Variants in SGPP2 observed in about 807,000 individuals in gnomAD.
SGPP2 encodes sphingosine-1-phosphate phosphatase 2, also known as sphingosine 1-phosphate phosphohydrolase 2.
SGPP2 carries 30 observed loss-of-function variants against 33.9 expected under a neutral mutation model. That is an observed-to-expected ratio of 0.89 (90% confidence interval 0.66 to 1.20). The LOEUF (loss-of-function observed/expected upper bound fraction) is 1.20, where lower values mean the gene tolerates loss of function less well. Ranked by LOEUF, SGPP2 falls within the 50% of genes most tolerant of loss-of-function variation. The pLI is 0.00. For synonymous variants in SGPP2, 233 were observed against 225.0 expected (o/e 1.04, Z -0.32); for missense variants, 458 against 532.1 (o/e 0.86, Z 1.37).
intron 1 of SGPP2, among the ~76,000 whole-genome samples, chr2:222,428,497 T>C (rs1373406177): frequency 1.3e-5 from 2 of 152,234 alleles, no homozygotes; most frequent in Admixed American, 6.5e-5. Flanking sequence ...TGTCCAGTAC[T>C]TTTTGATAAC....
chr2:222,512,699 T>C (rs1017474759), intron 2 of SGPP2, among the ~76,000 whole-genome samples: 2 of 152,242 alleles, frequency 1.3e-5, no homozygotes, highest in Non-Finnish European at 2.9e-5. Context: ...TTTTGCCTTT[T>C]CTAGAATGTC....
chr2:222,480,540 T>C lies in SGPP2; in HGVS notation c.378+5814T>C, dbSNP rs1353796842. Among the ~76,000 whole-genome samples, 8 of 152,244 alleles carry C rather than the reference T, an allele frequency of 5.3e-5. No homozygotes were observed. In the East Asian group the frequency reaches 1.5e-3, roughly 29 times the overall value. ...GAGCCACAGATTCATATTTGAGCTT[T>C]GTCTTGACCGACCAAAATGAAGTTA... is the stretch of plus-strand genomic sequence containing the variant. On this transcript the variant is annotated intron_variant, in intron 2 of 4. Transcript: ENST00000321276.
At chr2:222,546,075 G>A (rs780489535) in intron 4 of SGPP2, among the ~76,000 whole-genome samples, 5 of 152,176 alleles carry the variant, frequency 3.3e-5, no homozygotes, top group Non-Finnish European at 7.4e-5. Flanking sequence ...GTATGCCTGT[G>A]GGAATGGTCC....
chr2:222,545,527 C>T (rs926645499), intron 4 of SGPP2, among the ~76,000 whole-genome samples: 1 of 152,066 alleles, frequency 6.6e-6, no homozygotes, highest in South Asian at 2.1e-4. Context: ...ATTGATCTGC[C>T]CACCTCTGCC....
chr2:222,558,685 A>C lies in SGPP2; in HGVS notation c.987A>C (p.Ala329=). 6.2e-7 allele frequency: 1 copy of C among 1,614,180 alleles called. No homozygotes were observed. Among genetic ancestry groups the C allele is most frequent in the Non-Finnish European group, 8.5e-7 (1 of 1,180,038 alleles). Residue 329 remains alanine (A), a synonymous_variant, in exon 5 of 5, where the codon GCA becomes GCC. Coordinates refer to ENST00000321276, the MANE Select transcript of SGPP2 (RefSeq NM_152386.4). ...YMLVLGLTKF[A]VGIVLILLVR... ...TAGTTTTGGGTCTGACCAAATTTGC[A>C]GTGGGAATTGTGTTGATCCTCTTGG...
At chr2:222,543,585 GTC>G (rs1477887397) in intron 4 of SGPP2, among the ~76,000 whole-genome samples, 3 of 152,146 alleles carry the variant, frequency 2.0e-5, no homozygotes, top group African/African-American at 4.8e-5. Flanking sequence ...TGTGAATGTG[GTC>G]TCTCTCTCAG....
chr2:222,452,621 C>A, intron 1 of SGPP2: 29 of 1,353,742 alleles, frequency 2.1e-5, no homozygotes, highest in Non-Finnish European at 2.9e-5. Flanking sequence ...TGTTCCAGAA[C>A]TGGGTGCACC....
chr2:222,500,663 T>C (rs1476730627), intron 2 of SGPP2, among the ~76,000 whole-genome samples: 1 of 152,154 alleles, frequency 6.6e-6, no homozygotes, highest in Non-Finnish European at 1.5e-5. Context: ...CAGATACACA[T>C]CCAGGGCACC....
intron 2 of SGPP2, among the ~76,000 whole-genome samples, chr2:222,485,705 T>C (rs1698095625): frequency 6.6e-6 from 1 of 152,208 alleles, no homozygotes; most frequent in Admixed American, 6.5e-5. Context: ...TTCTTGCCTC[T>C]GCCTGCCTTC....
At chr2:222,545,181 T>TGCA (rs1209291185) in intron 4 of SGPP2, among the ~76,000 whole-genome samples, 1 of 152,212 alleles carries the variant, frequency 6.6e-6, no homozygotes, top group East Asian at 1.9e-4. Context: ...TATTATGATT[T>TGCA]CTTTCTTCGC....
chr2:222,535,882 A>G (rs1698907456), intron 4 of SGPP2, among the ~76,000 whole-genome samples: 1 of 152,216 alleles, frequency 6.6e-6, no homozygotes, highest in South Asian at 2.1e-4. Flanking sequence ...AAAGACTCAG[A>G]AGTGCCAATT....
intron 1 of SGPP2, chr2:222,453,118 T>TAAATACG (rs74705937): frequency 6.0e-6 from 5 of 839,758 alleles, no homozygotes; most frequent in Middle Eastern, 3.3e-4. Flanking sequence ...AGGACTATCC[T>TAAATACG]CAGATCCATG....
intron 1 of SGPP2, among the ~76,000 whole-genome samples, chr2:222,438,192 A>G (rs978096993): frequency 6.6e-6 from 1 of 152,118 alleles, no homozygotes; most frequent in African/African-American, 2.4e-5. Flanking sequence ...CTTATTCTTC[A>G]CTTTAGAAGG....
chr2:222,558,983 TTTTC>T lies in SGPP2; in HGVS notation c.*89_*92del. 7.2e-7 allele frequency: 1 copy of T among 1,384,506 alleles called. No individual in the cohort carries two copies. The highest frequency in any genetic ancestry group is 1.4e-5 in the African/African-American group (1 of 69,402). 85.8% of individuals were successfully genotyped at this position (1,384,506 alleles called of 1,614,324 possible). A position where few individuals can be genotyped will look rare whatever the true frequency, so the allele number is the denominator to read the frequency against. The stretch of plus-strand genomic sequence containing the variant: ...TGGTAGGCAAATCTTGACAACTTAT[TTTTC>T]TTTAACAACAACAAAAAGTCATACG... On this transcript the variant is annotated 3_prime_UTR_variant, in exon 5 of 5. Coordinates refer to ENST00000321276, the MANE Select transcript of SGPP2 (RefSeq NM_152386.4).
chr2:222,537,908 TA>T (rs1268474703), intron 4 of SGPP2, among the ~76,000 whole-genome samples: 1 of 152,242 alleles, frequency 6.6e-6, no homozygotes, highest in East Asian at 1.9e-4. Flanking sequence ...TCCTAATCTC[TA>T]AAACCTGGAA....
intron 4 of SGPP2, among the ~76,000 whole-genome samples, chr2:222,527,992 A>G (rs1156341334): frequency 6.6e-6 from 1 of 152,138 alleles, no homozygotes; most frequent in East Asian, 1.9e-4. Context: ...ACAGATGTCT[A>G]CACTGCTGAT....
At chr2:222,459,581 G>T (rs1697627813) in intron 1 of SGPP2, among the ~76,000 whole-genome samples, 1 of 152,046 alleles carries the variant, frequency 6.6e-6, no homozygotes, top group South Asian at 2.1e-4. Flanking sequence ...GAAAGCATGA[G>T]GGGAGTGGTG....
At chr2:222,446,470 C>T (rs534177953) in intron 1 of SGPP2, among the ~76,000 whole-genome samples, 42 of 152,256 alleles carry the variant, frequency 2.8e-4, no homozygotes, top group African/African-American at 9.4e-4. Flanking sequence ...TGTTGCTATC[C>T]GGGGGAATAG....
chr2:222,558,990 TA>T lies in SGPP2; in HGVS notation c.*94del. ...CAAATCTTGACAACTTATTTTTCTT[TA>T]ACAACAACAAAAAGTCATACGGCTG... On this transcript the variant is annotated 3_prime_UTR_variant, in exon 5 of 5. Transcript: ENST00000321276. 1 of 1,291,118 alleles carries T rather than the reference TA, an allele frequency of 7.7e-7. No homozygotes were observed. The allele number at this position is 1,291,118 out of a possible 1,614,324, so 80.0% of individuals were successfully genotyped here.
Sources: gnomAD v4.1 joint callset for allele counts (sites outside exome capture counted in the v4.1 genomes callset) on GRCh38, gnomAD v4.1.1 for gene constraint, MANE v1.5 for transcripts, NCBI Gene and HGNC (gene_info 2026-07-23, HGNC 2026-07-21) for gene names.